Variants in PRMT3 observed in about 807,000 individuals in gnomAD.
PRMT3 encodes the protein protein arginine N-methyltransferase 3.
A neutral mutation model predicts 71.9 loss-of-function variants in PRMT3; 62 were observed. The observed-to-expected ratio is 0.86, with a 90% CI of 0.70 to 1.07. The LOEUF is 1.07. Ranked by LOEUF, PRMT3 falls within the 50% of genes least tolerant of loss-of-function variation. PRMT3 has a pLI of 0.00. For missense variants in PRMT3, 663 were observed against 643.0 expected, an observed-to-expected ratio of 1.03 and a Z score of -0.34; for synonymous variants, 213 against 220.4, an observed-to-expected ratio of 0.97 and a Z score of 0.30.
intron 13 of PRMT3, among the ~76,000 whole-genome samples, chr11:20,475,652 CTTTTTTTT>C (rs59969495): frequency 3.0e-5 from 3 of 100,536 alleles, no homozygotes; most frequent in African/African-American, 1.1e-4. Flanking sequence ...TACTTAATGT[CTTTTTTTT>C]TTTTTTTTTT....
chr11:20,388,433 G>A (rs748133219), intron 2 of PRMT3, among the ~76,000 whole-genome samples: 7 of 152,232 alleles, frequency 4.6e-5, no homozygotes, highest in Admixed American at 1.3e-4. Flanking sequence ...AAAACAAAAT[G>A]ATACTGAACT....
intron 9 of PRMT3, among the ~76,000 whole-genome samples, chr11:20,412,752 TTGAATCTCCTTTGGTGCAGGTGTAAC>T (rs1849222552): frequency 1.3e-5 from 2 of 152,202 alleles, no homozygotes; most frequent in Non-Finnish European, 2.9e-5. Context: ...GTTTTTTCTA[TTGAATCTCCTTTGGTGCAGGTGTAAC>T]TGAATCTCCT....
At chr11:20,442,572 A>G (rs1333391311) in intron 10 of PRMT3, among the ~76,000 whole-genome samples, 1 of 152,082 alleles carries the variant, frequency 6.6e-6, no homozygotes, top group African/African-American at 2.4e-5. Flanking sequence ...CTTTTATTCA[A>G]TTAAAATTCT....
At chr11:20,475,915 A>T (rs560593926) in intron 13 of PRMT3, among the ~76,000 whole-genome samples, 1 of 151,868 alleles carries the variant, frequency 6.6e-6, no homozygotes, top group African/African-American at 2.4e-5. Flanking sequence ...ACCTCAGGTG[A>T]TCTGCCCACC....
At chr11:20,397,754 A>G in intron 7 of PRMT3, 33 bp downstream of exon 7, 1 of 1,604,734 alleles carries the variant, frequency 6.2e-7, no homozygotes, top group Non-Finnish European at 8.5e-7. Flanking sequence ...TCAAATCCAT[A>G]CTAAAGGAAA....
chr11:20,417,925 A>G (rs984389312), intron 9 of PRMT3, among the ~76,000 whole-genome samples: 7 of 152,128 alleles, frequency 4.6e-5, no homozygotes, highest in African/African-American at 9.7e-5. Flanking sequence ...TTGAGCTTCC[A>G]TAGTCCCCAA....
intron 15 of PRMT3, among the ~76,000 whole-genome samples, chr11:20,505,282 T>C (rs1190375149): frequency 6.6e-6 from 1 of 152,232 alleles, no homozygotes; most frequent in Admixed American, 6.5e-5. Flanking sequence ...TTTAATGTCC[T>C]GACTAGGACA....
chr11:20,399,648 G>C (rs1250706558), intron 7 of PRMT3, among the ~76,000 whole-genome samples: 1 of 152,060 alleles, frequency 6.6e-6, no homozygotes, highest in Non-Finnish European at 1.5e-5. Context: ...AAATTGTGTT[G>C]GGCTTTTCAG....
In PRMT3 at chr11:20,393,003, A is replaced by G; in HGVS notation, c.400+4A>G. On this transcript the variant is annotated splice_donor_region_variant and intron_variant, in intron 5 of 15. Transcript: ENST00000331079. Reference sequence around the variant, plus strand: ...GATGACCTTTTACTTCAATTTGGTAAGATGAACATAAGTGTATCTCCTTTA... The same window carrying G: ...GATGACCTTTTACTTCAATTTGGTAGGATGAACATAAGTGTATCTCCTTTA... The G allele has an allele frequency of 1.3e-6, 2 of 1,545,202 alleles. No individual in the cohort carries two copies. The highest frequency in any genetic ancestry group is 1.8e-6 in the Non-Finnish European group (2 of 1,117,788).
intron 11 of PRMT3, among the ~76,000 whole-genome samples, chr11:20,455,470 A>G (rs1338371338): frequency 6.6e-6 from 1 of 152,142 alleles, no homozygotes; most frequent in African/African-American, 2.4e-5. Flanking sequence ...TGGTGATTGC[A>G]TAACTGTGTG....
At chr11:20,473,739 TCAATTCAGCCATCTCAGCCCAGTTCTGC>T (rs1850709124) in intron 13 of PRMT3, among the ~76,000 whole-genome samples, 5 of 152,010 alleles carry the variant, frequency 3.3e-5, no homozygotes, top group Admixed American at 2.6e-4. Flanking sequence ...CCTACTTCTG[TCAATTCAGCCATCTCAGCCCAGTTCTGC>T]AGCCTCAGCC....
chr11:20,504,085 A>G (rs1851521937), intron 15 of PRMT3, among the ~76,000 whole-genome samples: 1 of 152,140 alleles, frequency 6.6e-6, no homozygotes, highest in Non-Finnish European at 1.5e-5. Flanking sequence ...GCATTGTTTC[A>G]TATGTGTATT....
At chr11:20,454,639 G>A (rs1286765692) in intron 11 of PRMT3, among the ~76,000 whole-genome samples, 3 of 152,050 alleles carry the variant, frequency 2.0e-5, no homozygotes, top group African/African-American at 7.2e-5. Context: ...GTCTTGATGC[G>A]TATCACCAGT....
chr11:20,421,898 T>C (rs1449632645), intron 9 of PRMT3, among the ~76,000 whole-genome samples: 2 of 152,210 alleles, frequency 1.3e-5, no homozygotes, highest in African/African-American at 4.8e-5. Context: ...TCTACATACA[T>C]TGTCACCTGT....
intron 2 of PRMT3, among the ~76,000 whole-genome samples, chr11:20,388,913 C>G (rs1257123990): frequency 1.3e-5 from 2 of 152,202 alleles, no homozygotes; most frequent in Non-Finnish European, 2.9e-5. Flanking sequence ...AATACATTTT[C>G]CAGTGTTCCC....
At chr11:20,403,127 G>A (rs917930243) in intron 8 of PRMT3, 143 bp downstream of exon 8, 1 of 612,778 alleles carries the variant, frequency 1.6e-6, no homozygotes, top group Non-Finnish European at 2.8e-6. Flanking sequence ...GCTGCTCTGT[G>A]GTGCAGAGTA....
At chr11:20,399,362 T>C (rs1232026601) in intron 7 of PRMT3, among the ~76,000 whole-genome samples, 2 of 152,196 alleles carry the variant, frequency 1.3e-5, no homozygotes, top group African/African-American at 4.8e-5. Context: ...AACATTGTCA[T>C]GTCATTACTA....
At chr11:20,453,222 T>C (rs1247904288) in intron 11 of PRMT3, among the ~76,000 whole-genome samples, 1 of 151,480 alleles carries the variant, frequency 6.6e-6, no homozygotes, top group East Asian at 1.9e-4. Context: ...GGCTCACGCT[T>C]GTAATCCCAG....
chr11:20,506,669 C>G (rs1851598401), intron 15 of PRMT3, among the ~76,000 whole-genome samples: 1 of 152,064 alleles, frequency 6.6e-6, no homozygotes, highest in African/African-American at 2.4e-5. Flanking sequence ...GATATTCATT[C>G]AGTACTTCAA....
Sources: gnomAD v4.1 joint callset for allele counts (sites outside exome capture counted in the v4.1 genomes callset) on GRCh38, gnomAD v4.1.1 for gene constraint, MANE v1.5 for transcripts, NCBI Gene and HGNC (gene_info 2026-07-23, HGNC 2026-07-21) for gene names.